The following STK31 variants were observed in gnomAD, a reference collection of about 807,000 sequenced individuals.
STK31 encodes the protein serine/threonine-protein kinase 31.
A neutral mutation model predicts 129.7 loss-of-function variants in STK31; 89 were observed. The observed-to-expected ratio is 0.69, with a 90% CI of 0.58 to 0.82. The LOEUF is 0.82. Ranked by LOEUF, STK31 falls within the 40% of genes least tolerant of loss-of-function variation. The pLI is 0.00. For missense variants in STK31, 1,187 were observed against 1,176.4 expected (o/e 1.01, Z -0.13); for synonymous variants, 448 against 395.3 (o/e 1.13, Z -1.58).
At chr7:23,733,531 G>A (rs71526028) in intron 6 of STK31, among the ~76,000 whole-genome samples, 23,995 of 151,746 alleles carry the variant, frequency 0.16, 1,954 homozygotes, top group Admixed American at 0.18. Flanking sequence ...TGTGTCAGCT[G>A]GGTGCGGTGT....
chr7:23,823,828 G>T (rs555608024), intron 23 of STK31, among the ~76,000 whole-genome samples: 22 of 152,152 alleles, frequency 1.4e-4, no homozygotes, highest in African/African-American at 4.1e-4. Flanking sequence ...CTAGCCAGTG[G>T]TCCCAGCACC....
intron 12 of STK31, 96 bp downstream of exon 12, chr7:23,769,270 C>T (rs1198086951): frequency 4.3e-6 from 5 of 1,169,450 alleles, no homozygotes; most frequent in South Asian, 5.2e-5. Flanking sequence ...ACATCATCTA[C>T]CTACTATGTA....
At position 23,717,097 on chromosome 7, in the gene STK31, C is replaced by CTTTT. The variant is rs70956911; in HGVS notation, c.151-359_151-356dup. 8.0e-3 allele frequency among the ~76,000 whole-genome samples: 343 copies of CTTTT among 42,908 alleles called. 33 individuals carry two copies. The highest frequency in any genetic ancestry group is 0.024 in the African/African-American group (230 of 9,684). 28.1% of individuals were successfully genotyped at this position (42,908 alleles called of 152,430 possible). A position where few individuals can be genotyped will look rare whatever the true frequency, so the allele number is the denominator to read the frequency against. On this transcript the variant is annotated intron_variant, in intron 3 of 23. Transcript: ENST00000355870. ...TACAGGTGTGAGCCATCGCAACCTG[C>CTTTT]TTTTTTTTTTTTTTTTTTTTTTTTT...
At chr7:23,781,595 G>T (rs1790929630) in intron 16 of STK31, 75 bp downstream of exon 16, 1 of 1,052,886 alleles carries the variant, frequency 9.5e-7, no homozygotes, top group Non-Finnish European at 1.4e-6. Flanking sequence ...GTTTTATGAA[G>T]TGGACTGTAA....
At chr7:23,765,002 C>G (rs1394847736) in intron 11 of STK31, among the ~76,000 whole-genome samples, 1 of 150,694 alleles carries the variant, frequency 6.6e-6, no homozygotes, top group Non-Finnish European at 1.5e-5. Context: ...CGTATCCCAC[C>G]TTTCTTTTTG....
intron 5 of STK31, among the ~76,000 whole-genome samples, chr7:23,728,133 G>A (rs1787202858): frequency 7.4e-6 from 1 of 134,918 alleles, no homozygotes; most frequent in Non-Finnish European, 1.6e-5. Context: ...TTTTTAAGAG[G>A]ATTTAGGGAG....
At chr7:23,757,393 G>C (rs1042864184) in intron 10 of STK31, among the ~76,000 whole-genome samples, 8 of 152,096 alleles carry the variant, frequency 5.3e-5, no homozygotes, top group African/African-American at 9.7e-5. Context: ...AGTATTTATT[G>C]ATCATTATCT....
chr7:23,722,533 C>T (rs1386679166), intron 4 of STK31: 1 of 152,564 alleles, frequency 6.6e-6, no homozygotes, highest in Non-Finnish European at 1.5e-5. Context: ...ACTCGGGGGT[C>T]AGGGACCCAC....
chr7:23,754,509 T>G, intron 10 of STK31, 35 bp downstream of exon 10: 1 of 1,569,576 alleles, frequency 6.4e-7, no homozygotes, highest in South Asian at 1.2e-5. Flanking sequence ...GTGGTTTTTA[T>G]CTGTTGAACA....
chr7:23,733,023 A>G (rs1787520353), intron 6 of STK31, among the ~76,000 whole-genome samples: 1 of 152,068 alleles, frequency 6.6e-6, no homozygotes, highest in African/African-American at 2.4e-5. Flanking sequence ...TCTGGACTGT[A>G]TTTGTTATTT....
At chr7:23,712,668 T>C (rs1402137080) in intron 3 of STK31, among the ~76,000 whole-genome samples, 1 of 152,156 alleles carries the variant, frequency 6.6e-6, no homozygotes, top group Non-Finnish European at 1.5e-5. Context: ...AAAATCTCGG[T>C]CGTTTTTTCT....
intron 6 of STK31, among the ~76,000 whole-genome samples, chr7:23,731,765 T>G (rs541795079): frequency 6.6e-6 from 1 of 152,276 alleles, no homozygotes; most frequent in African/African-American, 2.4e-5. Context: ...AAAAATTATA[T>G]GTAGGGTAAG....
chr7:23,829,379 C>T (rs529789667), intron 23 of STK31, among the ~76,000 whole-genome samples: 21 of 152,174 alleles, frequency 1.4e-4, no homozygotes, highest in African/African-American at 3.1e-4. Context: ...CTATTGAGAT[C>T]GTTTGCCATA....
chr7:23,827,721 G>A (rs539790584), intron 23 of STK31, among the ~76,000 whole-genome samples: 47 of 152,112 alleles, frequency 3.1e-4, no homozygotes, highest in African/African-American at 1.1e-3. Flanking sequence ...CCATCTTTGT[G>A]GTTTTATCTA....
At chr7:23,749,640 A>G (rs1308709749) in intron 8 of STK31, among the ~76,000 whole-genome samples, 2 of 151,810 alleles carry the variant, frequency 1.3e-5, no homozygotes, top group Admixed American at 6.6e-5. Flanking sequence ...GGCATTAGCC[A>G]CTGTGCCTAG....
chr7:23,721,580 C>T (rs897888550), intron 4 of STK31: 10 of 938,662 alleles, frequency 1.1e-5, no homozygotes. Flanking sequence ...TTGCGGAATC[C>T]CCTTGGCCTG....
At chr7:23,819,831 A>G (rs1033415638) in intron 23 of STK31, among the ~76,000 whole-genome samples, 5 of 152,198 alleles carry the variant, frequency 3.3e-5, no homozygotes, top group African/African-American at 1.2e-4. Flanking sequence ...TAATACAAAT[A>G]ATGTCCTTTG....
chr7:23,828,197 G>C (rs1441276187), intron 23 of STK31, among the ~76,000 whole-genome samples: 2 of 151,818 alleles, frequency 1.3e-5, no homozygotes, highest in South Asian at 4.1e-4. Flanking sequence ...CAGAGGTGGA[G>C]CCTACAGAGG....
Position 23,710,250 on chromosome 7 carries a change from C to T in STK31, c.-36C>T, listed in dbSNP as rs774288105. 3.1e-6 allele frequency: 5 copies of T among 1,612,372 alleles called. No homozygotes were observed. The highest frequency in any genetic ancestry group is 2.2e-5 in the East Asian group (1 of 44,872). On this transcript the variant is annotated 5_prime_UTR_variant, in exon 1 of 24. It adds an upstream start codon to the 5' untranslated region. Coordinates refer to ENST00000355870, the MANE Select transcript of STK31 (RefSeq NM_031414.5). ...GAAGCTCACGCGGTAAGCCGCTGCACGTGTGCTACGGCGGGCGGAGGGCCG... is the reference window on the plus strand; with the variant it reads ...GAAGCTCACGCGGTAAGCCGCTGCATGTGTGCTACGGCGGGCGGAGGGCCG...
Sources: allele counts gnomAD v4.1 joint callset (sites outside exome capture counted in the v4.1 genomes callset), GRCh38; gene constraint gnomAD v4.1.1; transcripts MANE v1.5; gene names NCBI Gene and HGNC (gene_info 2026-07-23, HGNC 2026-07-21).